The following TYW1B variants were observed in gnomAD, a reference collection of about 807,000 sequenced individuals.
TYW1B encodes the protein tRNA-yW synthesizing protein 1 homolog B.
Under a neutral mutation model 86.9 loss-of-function variants are expected in TYW1B, and 73 were observed. The observed-to-expected ratio is 0.84, with a 90% CI of 0.70 to 1.02. TYW1B has a LOEUF of 1.02. Ranked by LOEUF, TYW1B falls within the 50% of genes least tolerant of loss-of-function variation. The probability of loss-of-function intolerance (pLI) is 0.00; values close to 1 mark genes in which losing one functional copy is unlikely to be tolerated. For synonymous variants in TYW1B, 248 were observed against 292.8 expected (o/e 0.85, Z 1.56); for missense variants, 637 against 827.4 (o/e 0.77, Z 2.82).
At chr7:72,629,559 T>C (rs1314388441) in intron 11 of TYW1B, among the ~76,000 whole-genome samples, 1 of 152,180 alleles carries the variant, frequency 6.6e-6, no homozygotes, top group African/African-American at 2.4e-5. Flanking sequence ...CTTCTTTATT[T>C]TTTTAGAGAC....
intron 11 of TYW1B, among the ~76,000 whole-genome samples, chr7:72,635,884 T>C (rs1812655207): frequency 6.6e-6 from 1 of 152,240 alleles, no homozygotes; most frequent in Non-Finnish European, 1.5e-5. Flanking sequence ...GACTAAGTCT[T>C]TGAATTCCAT....
intron 11 of TYW1B, among the ~76,000 whole-genome samples, chr7:72,652,369 C>T (rs1269410674): frequency 2.1e-5 from 2 of 97,358 alleles, no homozygotes; most frequent in African/African-American, 7.9e-5. Flanking sequence ...CAGAGCAAGA[C>T]TCTGTCTGAA....
chr7:72,806,083 T>C (rs187313105), intron 5 of TYW1B, among the ~76,000 whole-genome samples: 1 of 151,886 alleles, frequency 6.6e-6, no homozygotes, highest in East Asian at 1.9e-4. Flanking sequence ...AGTCAGGAGG[T>C]ATGTGTGATC....
intron 13 of TYW1B, among the ~76,000 whole-genome samples, chr7:72,590,418 C>T (rs1366639083): frequency 1.3e-5 from 2 of 152,224 alleles, no homozygotes; most frequent in South Asian, 2.1e-4. Flanking sequence ...AAGCCCCTCC[C>T]CATCTAGCTT....
intron 6 of TYW1B, among the ~76,000 whole-genome samples, chr7:72,788,360 T>C (rs1788164093): frequency 6.6e-6 from 1 of 152,164 alleles, no homozygotes; most frequent in African/African-American, 2.4e-5. Flanking sequence ...CATGGCCACA[T>C]GGAAGTACAA....
At chr7:72,744,730 C>T (rs368668338) in intron 7 of TYW1B, 129 bp from the exon 8 acceptor site, 11 of 1,049,490 alleles carry the variant, frequency 1.0e-5, no homozygotes, top group South Asian at 2.8e-5. Flanking sequence ...ATCTGCATGA[C>T]GCAGGAAATT....
chr7:72,685,251 A>T (rs1159854897), intron 11 of TYW1B, among the ~76,000 whole-genome samples: 4 of 152,232 alleles, frequency 2.6e-5, no homozygotes, highest in Non-Finnish European at 4.4e-5. Flanking sequence ...AACACTAAAA[A>T]AAAACAAGTG....
chr7:72,736,643 G>A (rs782387410), intron 8 of TYW1B, among the ~76,000 whole-genome samples: 66 of 152,144 alleles, frequency 4.3e-4, no homozygotes, highest in Non-Finnish European at 8.2e-4. Context: ...TATTCCCTCC[G>A]GCCCTAGGCA....
intron 6 of TYW1B, among the ~76,000 whole-genome samples, chr7:72,792,626 AG>A (rs1788240267): frequency 6.6e-6 from 1 of 152,214 alleles, no homozygotes; most frequent in Non-Finnish European, 1.5e-5. Flanking sequence ...TTTCAATTTT[AG>A]GAATTTATTC....
intron 7 of TYW1B, among the ~76,000 whole-genome samples, chr7:72,747,917 T>A (rs189875804): frequency 6.6e-6 from 1 of 152,346 alleles, no homozygotes; most frequent in Admixed American, 6.5e-5. Flanking sequence ...AGCATATTAC[T>A]TTCGTTGGAG....
intron 13 of TYW1B, among the ~76,000 whole-genome samples, chr7:72,599,610 G>T (rs1487376881): frequency 2.6e-5 from 4 of 152,084 alleles, no homozygotes; most frequent in African/African-American, 7.2e-5. Context: ...TACAGGTGAC[G>T]TGATTATACA....
intron 10 of TYW1B, among the ~76,000 whole-genome samples, chr7:72,706,875 A>C (rs1254819033): frequency 6.6e-6 from 1 of 152,226 alleles, no homozygotes; most frequent in Non-Finnish European, 1.5e-5. Flanking sequence ...AGTGATAAAC[A>C]GGCTGTAGGA....
In TYW1B at chr7:72,574,691, G is replaced by A. The variant is rs575873737; in HGVS notation, c.*807C>T. The A allele has an allele frequency of 1.6e-4, 154 of 985,240 alleles. No individual in the cohort carries two copies. Among genetic ancestry groups the A allele is most frequent in the Non-Finnish European group, 1.7e-4 (141 of 829,952 alleles). The allele number at this position is 985,240 out of a possible 1,614,324, so 61.0% of individuals were successfully genotyped here. On this transcript the variant is annotated 3_prime_UTR_variant, in exon 14 of 14. Coordinates refer to ENST00000620995, the MANE Select transcript of TYW1B (RefSeq NM_001145440.3). Reference sequence around the variant, plus strand: ...CAGGAGTCAAAGAAGATGGAGACCCGCCGTCTGGTCGTGATATGAGAGGCC... The same window carrying A: ...CAGGAGTCAAAGAAGATGGAGACCCACCGTCTGGTCGTGATATGAGAGGCC...
At chr7:72,815,526 A>G (rs1554479276) in intron 2 of TYW1B, 45 bp from the exon 3 acceptor site, 1 of 1,539,554 alleles carries the variant, frequency 6.5e-7, no homozygotes, top group Admixed American at 1.9e-5. Flanking sequence ...TCAATGAGCC[A>G]AATATAGCCC....
chr7:72,777,810 G>A (rs1286226280), intron 6 of TYW1B, among the ~76,000 whole-genome samples: 2 of 152,138 alleles, frequency 1.3e-5, no homozygotes, highest in African/African-American at 4.8e-5. Flanking sequence ...CAGCTACTCA[G>A]GAGGCTGAGG....
intron 7 of TYW1B, among the ~76,000 whole-genome samples, chr7:72,774,981 A>G (rs1294975555): frequency 6.6e-6 from 1 of 152,162 alleles, no homozygotes; most frequent in Non-Finnish European, 1.5e-5. Flanking sequence ...AAAAGACCCA[A>G]ACTGAACTTC....
chr7:72,686,223 G>C (rs1554449358), intron 11 of TYW1B, among the ~76,000 whole-genome samples: 1 of 152,120 alleles, frequency 6.6e-6, no homozygotes, highest in Non-Finnish European at 1.5e-5. Flanking sequence ...TTACTCCAAG[G>C]AGCTGAAAAT....
chr7:72,738,708 T>C (rs1229017152), intron 8 of TYW1B, among the ~76,000 whole-genome samples: 2 of 152,124 alleles, frequency 1.3e-5, no homozygotes, highest in African/African-American at 4.8e-5. Context: ...CAGGATGACC[T>C]AAGAGATACT....
intron 11 of TYW1B, among the ~76,000 whole-genome samples, chr7:72,632,332 TACAC>T (rs1812524223): frequency 1.8e-5 from 2 of 111,548 alleles, no homozygotes; most frequent in African/African-American, 7.8e-5. Context: ...TATATATATA[TACAC>T]GTATATATAT....
Sources: allele counts gnomAD v4.1 joint callset (sites outside exome capture counted in the v4.1 genomes callset), GRCh38; gene constraint gnomAD v4.1.1; transcripts MANE v1.5; gene names NCBI Gene and HGNC (gene_info 2026-07-23, HGNC 2026-07-21).